Variants in ADAMTSL1 observed in about 807,000 individuals in gnomAD.
ADAMTSL1 encodes the protein ADAMTS-like protein 1.
A neutral mutation model predicts 201.8 loss-of-function variants in ADAMTSL1; 126 were observed. The observed-to-expected ratio is 0.62, with a 90% CI of 0.54 to 0.72. The LOEUF is 0.72. ADAMTSL1 is among the 30% of genes least tolerant of loss of function. The pLI, the probability that ADAMTSL1 is intolerant of heterozygous loss-of-function variation, is 0.00. For synonymous variants in ADAMTSL1, 1,121 were observed against 903.4 expected (o/e 1.24, Z -4.32); for missense variants, 2,679 against 2,277.8 (o/e 1.18, Z -3.59).
intron 2 of ADAMTSL1, among the ~76,000 whole-genome samples, chr9:18,356,340 C>G (rs1239261188): frequency 1.3e-5 from 2 of 151,942 alleles, no homozygotes; most frequent in African/African-American, 2.4e-5. Flanking sequence ...GGGGTTTCAC[C>G]AGGGACCCGC....
rs149676569 is a variant in ADAMTSL1 at position 18,315,887 on chromosome 9, C to G, written c.207+151906C>G. On this transcript the variant is annotated intron_variant, in intron 2 of 29. Coordinates refer to the ADAMTSL1 transcript ENST00000680146. Reference sequence around the variant, plus strand: ...TGCTAGCATGTTGTCACCTCTCTCTCTGATCTAGCAATCCTACTTCTCAGT... The same window carrying G: ...TGCTAGCATGTTGTCACCTCTCTCTGTGATCTAGCAATCCTACTTCTCAGT... Among the ~76,000 whole-genome samples the G allele has an allele frequency of 1.1e-3, 171 of 152,282 alleles. 1 individual carries two copies. The highest frequency in any genetic ancestry group is 3.4e-3 in the Middle Eastern group (1 of 294).
At position 18,684,690 on chromosome 9, in the gene ADAMTSL1, T is replaced by C. The variant is rs1258460630; in HGVS notation, c.1490-26T>C. The C allele has an allele frequency of 1.9e-6, 3 of 1,607,688 alleles. No homozygotes were observed. The African/African-American group carries it at 4.0e-5, about 22-fold the overall frequency. On this transcript the variant is annotated intron_variant, in intron 12 of 28. Coordinates refer to ENST00000380548, the MANE Select transcript of ADAMTSL1 (RefSeq NM_001040272.6). Reference sequence around the variant, plus strand: ...CCAGATTGGTTCTAACCTCTTCTTTTGTATGTGCATGCACTGAATTCTCAG... The same window carrying C: ...CCAGATTGGTTCTAACCTCTTCTTTCGTATGTGCATGCACTGAATTCTCAG...
rs79617700 is a variant in ADAMTSL1, at chr9:18,757,972, A to T, written c.2217+4464A>T. Among the ~76,000 whole-genome samples, 79 of 152,342 alleles carry T rather than the reference A, an allele frequency of 5.2e-4. 2 individuals carry two copies. In the East Asian group the frequency reaches 0.011, roughly 21 times the overall value. ...TTCAGCACAGCTCTAGACACTTTAC[A>T]TATTTAACTTACTTAATCCTCACTA... is the stretch of plus-strand genomic sequence containing the variant. On this transcript the variant is annotated intron_variant, in intron 16 of 28. Coordinates refer to ENST00000380548, the MANE Select transcript of ADAMTSL1 (RefSeq NM_001040272.6).
intron 20 of ADAMTSL1, among the ~76,000 whole-genome samples, chr9:18,809,466 T>C (rs1823369398): frequency 6.6e-6 from 1 of 152,032 alleles, no homozygotes; most frequent in Non-Finnish European, 1.5e-5. Flanking sequence ...GACCACTGGG[T>C]CTTAATGTAC....
rs547585667 is a variant in ADAMTSL1 at position 18,567,517 on chromosome 9, A to C, written c.238-6513A>C. Among the ~76,000 whole-genome samples the C allele has an allele frequency of 3.3e-4, 50 of 152,292 alleles. 1 individual carries two copies. In the South Asian group the frequency reaches 0.01, roughly 32 times the overall value. Reference sequence around the variant, plus strand: ...TATAGAGTTGACATTGGGTTGGGGAATGCTGCAGGGAGAACAGATTTCATG... The same window carrying C: ...TATAGAGTTGACATTGGGTTGGGGACTGCTGCAGGGAGAACAGATTTCATG... On this transcript the variant is annotated intron_variant, in intron 3 of 28. Coordinates refer to ENST00000380548, the MANE Select transcript of ADAMTSL1 (RefSeq NM_001040272.6).
chr9:18,664,078 G>A (rs1829277718), intron 9 of ADAMTSL1, among the ~76,000 whole-genome samples: 1 of 152,086 alleles, frequency 6.6e-6, no homozygotes, highest in Non-Finnish European at 1.5e-5. Flanking sequence ...ATAGGCAAAT[G>A]TCAGGAAGCT....
In ADAMTSL1 at chr9:18,325,803, C is replaced by T. The variant is rs140909188; in HGVS notation, c.207+161822C>T. Among the ~76,000 whole-genome samples, 802 of 151,406 alleles carry T rather than the reference C, an allele frequency of 5.3e-3. 9 individuals carry two copies. The highest frequency in any genetic ancestry group is 0.019 in the African/African-American group (773 of 41,152). On this transcript the variant is annotated intron_variant, in intron 2 of 29. Coordinates refer to the ADAMTSL1 transcript ENST00000680146. ...TGGCTTAGGCTGGAATGAAGTGATG[C>T]AATCTCTGCTCACTGCAACCTCCGC...
rs564099035 is a variant in ADAMTSL1, at chr9:18,858,249, T to A, written c.4249+28272T>A. Among the ~76,000 whole-genome samples, 3 of 152,266 alleles carry A rather than the reference T, an allele frequency of 2.0e-5. No individual in the cohort carries two copies. In the South Asian group the frequency reaches 6.2e-4, roughly 32 times the overall value. On this transcript the variant is annotated intron_variant, in intron 23 of 28. Coordinates refer to ENST00000380548, the MANE Select transcript of ADAMTSL1 (RefSeq NM_001040272.6). ...CCACTATCATTAACACACTTTCTTATGCGATCAAGCCCTCCATATAAACAG... is the reference window on the plus strand; with the variant it reads ...CCACTATCATTAACACACTTTCTTAAGCGATCAAGCCCTCCATATAAACAG...
chr9:18,613,622 AAAAC>A (rs1007775651), intron 4 of ADAMTSL1, among the ~76,000 whole-genome samples: 4 of 152,192 alleles, frequency 2.6e-5, no homozygotes, highest in South Asian at 4.1e-4. Flanking sequence ...ACAAAAACAA[AAAAC>A]AAACAAACAA....
chr9:18,128,472 C>T (rs1201913511), intron 1 of ADAMTSL1, among the ~76,000 whole-genome samples: 1 of 152,120 alleles, frequency 6.6e-6, no homozygotes, highest in Non-Finnish European at 1.5e-5. Flanking sequence ...AAGTGATTCT[C>T]CCACCTCAGT....
At chr9:18,217,398 A>G (rs1239389102) in intron 2 of ADAMTSL1, among the ~76,000 whole-genome samples, 5 of 151,968 alleles carry the variant, frequency 3.3e-5, no homozygotes, top group Non-Finnish European at 5.9e-5. Flanking sequence ...TGAGGTGCCA[A>G]AGAAGTAGCA....
intron 1 of ADAMTSL1, among the ~76,000 whole-genome samples, chr9:18,495,621 A>C (rs1490720155): frequency 6.6e-6 from 1 of 152,238 alleles, no homozygotes; most frequent in African/African-American, 2.4e-5. Flanking sequence ...AGTTACAGCT[A>C]CAGGTTAAGC....
At chr9:18,119,085 G>A (rs1825386835) in intron 1 of ADAMTSL1, among the ~76,000 whole-genome samples, 1 of 152,070 alleles carries the variant, frequency 6.6e-6, no homozygotes, top group Admixed American at 6.6e-5. Flanking sequence ...TGTAATATGG[G>A]AATAATCATT....
chr9:18,888,593 A>C (rs1829049273), intron 24 of ADAMTSL1, among the ~76,000 whole-genome samples: 1 of 152,190 alleles, frequency 6.6e-6, no homozygotes, highest in East Asian at 1.9e-4. Context: ...GCAGGTCAGA[A>C]AGCCTTTGGG....
At chr9:18,780,288 T>C (rs1005216677) in intron 19 of ADAMTSL1, among the ~76,000 whole-genome samples, 3 of 152,158 alleles carry the variant, frequency 2.0e-5, no homozygotes, top group Admixed American at 1.3e-4. Context: ...TACCATATCA[T>C]CTGTGACATC....
At position 18,483,152 on chromosome 9, in the gene ADAMTSL1, G is replaced by T. The variant is rs564835313; in HGVS notation, c.63+8857G>T. Reference sequence around the variant, plus strand: ...GTTTTATTTTGTCCTGAATATCTTTGTATCTCTAGCACCAGACAAAGAGTT... The same window carrying T: ...GTTTTATTTTGTCCTGAATATCTTTTTATCTCTAGCACCAGACAAAGAGTT... On this transcript the variant is annotated intron_variant, in intron 1 of 28. Coordinates refer to ENST00000380548, the MANE Select transcript of ADAMTSL1 (RefSeq NM_001040272.6). 5.3e-5 allele frequency among the ~76,000 whole-genome samples: 8 copies of T among 152,228 alleles called. 1 individual carries two copies. The South Asian group carries it at 1.7e-3, about 32-fold the overall frequency.
At chr9:18,776,679 C>T (rs1347175057) in intron 18 of ADAMTSL1, 102 bp from the exon 19 acceptor site, 1 of 1,300,502 alleles carries the variant, frequency 7.7e-7, no homozygotes, top group Admixed American at 2.8e-5. Context: ...CTCTTCTCCA[C>T]TCTGGCTCTT....
intron 2 of ADAMTSL1, among the ~76,000 whole-genome samples, chr9:18,339,308 C>G (rs1445774605): frequency 1.3e-5 from 2 of 152,100 alleles, no homozygotes; most frequent in Non-Finnish European, 1.5e-5. Context: ...TGAACAGACA[C>G]TTTTCAAAAG....
chr9:18,900,865 C>G (rs1016598726), intron 26 of ADAMTSL1, among the ~76,000 whole-genome samples: 2 of 152,040 alleles, frequency 1.3e-5, no homozygotes, highest in African/African-American at 4.8e-5. Flanking sequence ...ATGGTCTGTG[C>G]AGCAAACCAC....
Sources: allele counts gnomAD v4.1 joint callset (sites outside exome capture counted in the v4.1 genomes callset), GRCh38; gene constraint gnomAD v4.1.1; transcripts MANE v1.5; gene names NCBI Gene and HGNC (gene_info 2026-07-23, HGNC 2026-07-21).